Variants in ZDHHC14 observed in about 807,000 individuals in gnomAD.
ZDHHC14 encodes the protein palmitoyltransferase ZDHHC14.
A neutral mutation model predicts 47.7 loss-of-function variants in ZDHHC14; 16 were observed. The ratio of observed to expected loss-of-function variants is 0.34; its 90% CI spans 0.23 to 0.51. The LOEUF is 0.51. ZDHHC14 is among the 20% of genes least tolerant of loss of function. The pLI is 0.97. For missense variants in ZDHHC14, 515 were observed against 662.5 expected (o/e 0.78, Z 2.44); for synonymous variants, 293 against 278.9 (o/e 1.05, Z -0.50).
chr6:157,433,662 A>AG (rs11380482), intron 1 of ZDHHC14, among the ~76,000 whole-genome samples: 36,400 of 152,098 alleles, frequency 0.24, 4,442 homozygotes, highest in East Asian at 0.34. Context: ...GGTACTCTGA[A>AG]GGGCAGGTTT....
chr6:157,418,267 A>G (rs925219568), intron 1 of ZDHHC14, among the ~76,000 whole-genome samples: 1 of 152,224 alleles, frequency 6.6e-6, no homozygotes, highest in African/African-American at 2.4e-5. Context: ...ACACTTGGTA[A>G]AACGATGAAG....
intron 1 of ZDHHC14, among the ~76,000 whole-genome samples, chr6:157,398,018 C>T (rs1049420496): frequency 1.3e-5 from 2 of 151,806 alleles, no homozygotes; most frequent in African/African-American, 2.4e-5. Flanking sequence ...CCTCAGCTCC[C>T]GAGCCCCTCA....
intron 1 of ZDHHC14, among the ~76,000 whole-genome samples, chr6:157,536,289 T>C (rs1781542186): frequency 6.6e-6 from 1 of 152,230 alleles, no homozygotes. Flanking sequence ...ATGTTTATGC[T>C]TTCATACGTA....
At chr6:157,560,918 G>A (rs779461356) in intron 2 of ZDHHC14, among the ~76,000 whole-genome samples, 4 of 152,226 alleles carry the variant, frequency 2.6e-5, no homozygotes, top group Non-Finnish European at 4.4e-5. Flanking sequence ...ATTATGAGGC[G>A]TGGCGTGTCT....
intron 3 of ZDHHC14, among the ~76,000 whole-genome samples, chr6:157,615,160 G>A (rs1407278763): frequency 2.6e-5 from 4 of 152,178 alleles, no homozygotes; most frequent in Non-Finnish European, 5.9e-5. Context: ...GTAGAACTTT[G>A]CCTGTTCTTT....
intron 2 of ZDHHC14, among the ~76,000 whole-genome samples, chr6:157,546,729 G>C (rs1781985850): frequency 6.6e-6 from 1 of 152,110 alleles, no homozygotes; most frequent in Non-Finnish European, 1.5e-5. Flanking sequence ...TTTGGGGTTA[G>C]AAAAAAATGA....
At chr6:157,556,236 G>A (rs1294879298) in intron 2 of ZDHHC14, among the ~76,000 whole-genome samples, 2 of 138,634 alleles carry the variant, frequency 1.4e-5, no homozygotes, top group East Asian at 4.7e-4. Context: ...AGCAGAGCCA[G>A]CAGAGAGGAC....
chr6:157,644,150 T>C (rs1162801245), intron 5 of ZDHHC14, among the ~76,000 whole-genome samples: 3 of 152,314 alleles, frequency 2.0e-5, no homozygotes, highest in Non-Finnish European at 2.9e-5. Flanking sequence ...CCGCATTGTG[T>C]TCCCTGGACT....
At chr6:157,657,979 T>C (rs1218597586) in intron 8 of ZDHHC14, among the ~76,000 whole-genome samples, 1 of 152,180 alleles carries the variant, frequency 6.6e-6, no homozygotes, top group Non-Finnish European at 1.5e-5. Context: ...ATGGGAACAT[T>C]GATATTCTTA....
intron 4 of ZDHHC14, among the ~76,000 whole-genome samples, chr6:157,629,188 C>G (rs1267547406): frequency 6.6e-6 from 1 of 152,188 alleles, no homozygotes; most frequent in East Asian, 1.9e-4. Flanking sequence ...AGGGTTATAA[C>G]TTTGAATTGC....
chr6:157,573,669 T>C (rs1178203918), intron 2 of ZDHHC14, among the ~76,000 whole-genome samples: 3 of 152,184 alleles, frequency 2.0e-5, no homozygotes, highest in Non-Finnish European at 2.9e-5. Context: ...CCCATGCCCT[T>C]CCCATCTTTG....
chr6:157,492,439 G>C (rs924884090), intron 1 of ZDHHC14, among the ~76,000 whole-genome samples: 2 of 151,062 alleles, frequency 1.3e-5, no homozygotes, highest in Non-Finnish European at 2.9e-5. Flanking sequence ...GGCAAAGCGG[G>C]AAAGCGGGAA....
At chr6:157,559,613 T>C (rs1427824635) in intron 2 of ZDHHC14, among the ~76,000 whole-genome samples, 2 of 152,238 alleles carry the variant, frequency 1.3e-5, no homozygotes, top group Admixed American at 6.5e-5. Flanking sequence ...TTCCTGGCAC[T>C]TCTTCTCATT....
chr6:157,433,595 T>G (rs928042913), intron 1 of ZDHHC14, among the ~76,000 whole-genome samples: 4 of 152,140 alleles, frequency 2.6e-5, no homozygotes, highest in African/African-American at 9.7e-5. Flanking sequence ...CGGGAGGAGT[T>G]GACTGGGTGA....
At chr6:157,553,730 T>C (rs1018644261) in intron 2 of ZDHHC14, among the ~76,000 whole-genome samples, 1 of 152,188 alleles carries the variant, frequency 6.6e-6, no homozygotes, top group Non-Finnish European at 1.5e-5. Flanking sequence ...GGATGGGAGA[T>C]ACATTAACTG....
At chr6:157,566,248 A>AAC (rs1286773785) in intron 2 of ZDHHC14, among the ~76,000 whole-genome samples, 2 of 151,724 alleles carry the variant, frequency 1.3e-5, no homozygotes, top group African/African-American at 4.9e-5. Flanking sequence ...CTCTCTAAAA[A>AAC]AACCCGAATT....
At chr6:157,672,594 AG>A in intron 8 of ZDHHC14, 129 bp from the exon 9 acceptor site, 2 of 988,510 alleles carry the variant, frequency 2.0e-6, no homozygotes, top group South Asian at 3.4e-5. Context: ...TGGCTGACTG[AG>A]GTGTCACTAA....
At chr6:157,422,019 G>A (rs879347605) in intron 1 of ZDHHC14, among the ~76,000 whole-genome samples, 1 of 152,194 alleles carries the variant, frequency 6.6e-6, no homozygotes, top group South Asian at 2.1e-4. Flanking sequence ...AGGGGCAGGC[G>A]ATTTAGCTCC....
chr6:157,637,486 T>A (rs1390424181), intron 5 of ZDHHC14, among the ~76,000 whole-genome samples: 1 of 152,128 alleles, frequency 6.6e-6, no homozygotes, highest in Non-Finnish European at 1.5e-5. Context: ...GATGGATGAG[T>A]TTGATCTGGG....
Sources: allele counts gnomAD v4.1 joint callset (sites outside exome capture counted in the v4.1 genomes callset), GRCh38; gene constraint gnomAD v4.1.1; transcripts MANE v1.5; gene names NCBI Gene and HGNC (gene_info 2026-07-23, HGNC 2026-07-21).